Variants in OTOF observed in about 807,000 individuals in gnomAD.
The protein encoded by OTOF is fer-1-like family member 2.
In OTOF, 218 loss-of-function variants were observed where a neutral mutation model predicts 236.8. The ratio of observed to expected loss-of-function variants is 0.92; its 90% CI spans 0.82 to 1.03. The LOEUF (loss-of-function observed/expected upper bound fraction) is 1.03. Ranked by LOEUF, OTOF falls within the 50% of genes least tolerant of loss-of-function variation. The pLI, the probability that OTOF is intolerant of heterozygous loss-of-function variation, is 0.00. For missense variants in OTOF, 2,590 were observed against 2,694.4 expected, an observed-to-expected ratio of 0.96 and a Z score of 0.86; for synonymous variants, 1,041 against 1,072.5, an observed-to-expected ratio of 0.97 and a Z score of 0.57.
rs745558146 is a variant in OTOF, at chr2:26,558,512, G to T, written c.60C>A (p.Ile20=). The change falls in exon 1 of 47, where the codon ATC becomes ATA. Residue 20 remains isoleucine (I), a synonymous_variant. Transcript: ENST00000272371. The part of the protein sequence containing the change: ...VSELRGRGDR[I]AKVTFRGQSF... Reference sequence around the variant, plus strand: ...CCCTACCTCGGAAAGTCACTTTGGCGATCCGGTCGCCCCTGCCCCGCAGCT... The same window carrying T: ...CCCTACCTCGGAAAGTCACTTTGGCTATCCGGTCGCCCCTGCCCCGCAGCT... 2.5e-6 allele frequency: 4 copies of T among 1,613,798 alleles called. No homozygotes were observed. The highest frequency in any genetic ancestry group is 2.2e-5 in the East Asian group (1 of 44,860).
intron 32 of OTOF, among the ~76,000 whole-genome samples, 156 bp from the exon 33 acceptor site, chr2:26,468,630 T>TA (rs1177839495): frequency 6.6e-6 from 1 of 152,138 alleles, no homozygotes; most frequent in Non-Finnish European, 1.5e-5. Context: ...TTAAGTGGGT[T>TA]AAAAAAAGTT....
At position 26,460,026 on chromosome 2, in the gene OTOF, C is replaced by T. The variant is rs932952487; in HGVS notation, c.5993G>A (p.Ter1998=). 1 of 1,566,868 alleles carries T rather than the reference C, an allele frequency of 6.4e-7. No homozygotes were observed. Among genetic ancestry groups the T allele is most frequent in the South Asian group, 1.2e-5 (1 of 85,096 alleles). The change falls in exon 46 of 47, where the codon TGA becomes TAA. Residue 1998 remains the stop codon, a stop_retained_variant. Coordinates refer to ENST00000272371, the MANE Select transcript of OTOF (RefSeq NM_194248.3). The surrounding 1 kb of genome is among the most constrained non-coding windows in gnomAD (Gnocchi z 5.3). ...GYLVKKILGA[*] ...ATCAGACCCAGGAGGCCACTGGGCT[C>T]AGGCCCCGAGGATTTTCTTGACCAG...
chr2:26,556,548 G>A (rs1326836520), intron 1 of OTOF, among the ~76,000 whole-genome samples: 3 of 152,144 alleles, frequency 2.0e-5, no homozygotes, highest in Non-Finnish European at 2.9e-5. Context: ...AGAGAGCAAG[G>A]GTTGCAAATA....
chr2:26,505,359 T>G (rs1259022107), intron 5 of OTOF, among the ~76,000 whole-genome samples: 1 of 152,042 alleles, frequency 6.6e-6, no homozygotes, highest in Non-Finnish European at 1.5e-5. Context: ...TCAAAGCTGA[T>G]GCCTTTGGAA....
Position 26,516,540 on chromosome 2 carries a change from G to T in OTOF, c.387C>A (p.Asp129Glu). The change falls in exon 5 of 47, where the codon GAC (aspartate) becomes GAA (glutamate). Residue 129 changes from aspartate to glutamate, a missense_variant. Physicochemically the swap from Asp to Glu is conservative, Grantham distance 45. Coordinates refer to ENST00000272371, the MANE Select transcript of OTOF (RefSeq NM_194248.3). ...ACTCATCTCCCAGGAAGTCCCCATC[G>T]TCCCAGGAGCCCACTGTGCCGTCAG... ...QATDGTVGSW[D>E]DGDFLGDESL... 1 of 1,612,694 alleles carries T rather than the reference G, an allele frequency of 6.2e-7. No homozygotes were observed. The highest frequency in any genetic ancestry group is 2.2e-5 in the East Asian group (1 of 44,878).
At chr2:26,472,474 G>A in intron 30 of OTOF, 45 bp downstream of exon 30, 1 of 1,612,214 alleles carries the variant, frequency 6.2e-7, no homozygotes, top group African/African-American at 1.3e-5. Context: ...GTCACACGAA[G>A]TTGCATGTTC....
intron 11 of OTOF, among the ~76,000 whole-genome samples, chr2:26,485,288 A>T (rs760218296): frequency 5.3e-5 from 8 of 151,892 alleles, no homozygotes; most frequent in Non-Finnish European, 1.2e-4. Flanking sequence ...ACTTCTACTC[A>T]TTTTGCTCAA....
In OTOF at chr2:26,522,543, C is replaced by T. The variant is rs1572474785; in HGVS notation, c.228-3434G>A. On this transcript the variant is annotated intron_variant, in intron 3 of 46. Transcript: ENST00000272371. ...CTGGCCTTTGTGCATCCTGGCTGCA[C>T]ACATAGTAGGTTCTTACTCCTCTGC... Among the ~76,000 whole-genome samples the T allele has an allele frequency of 3.3e-5, 5 of 152,328 alleles. No individual in the cohort carries two copies. In the South Asian group the frequency reaches 1.0e-3, roughly 32 times the overall value.
At chr2:26,485,044 C>T (rs1665668529) in intron 11 of OTOF, among the ~76,000 whole-genome samples, 3 of 152,190 alleles carry the variant, frequency 2.0e-5, no homozygotes, top group Non-Finnish European at 4.4e-5. Flanking sequence ...CTGGGGCTTC[C>T]CAGTGCCTTG....
chr2:26,540,323 T>C (rs1243029971), intron 1 of OTOF, among the ~76,000 whole-genome samples: 2 of 152,160 alleles, frequency 1.3e-5, no homozygotes, highest in African/African-American at 4.8e-5. Flanking sequence ...GGGGGTGAGT[T>C]TGGGTTGTCA....
chr2:26,486,561 C>G (rs1465369641), intron 11 of OTOF, among the ~76,000 whole-genome samples: 1 of 152,144 alleles, frequency 6.6e-6, no homozygotes, highest in Non-Finnish European at 1.5e-5. Context: ...AATTTACCTT[C>G]AAATTTAAAG....
rs1293896414 is a variant in OTOF, at chr2:26,468,473, T to G, written c.4025A>C (p.Gln1342Pro). 1 of 1,613,774 alleles carries G rather than the reference T, an allele frequency of 6.2e-7. No homozygotes were observed. The highest frequency in any genetic ancestry group is 8.5e-7 in the Non-Finnish European group (1 of 1,179,830). Reference protein sequence around the residue: ...YFASIDTMKEQLRQQEPSGID... With the variant: ...YFASIDTMKEPLRQQEPSGID... ...TCCAGAGGGCTCTTGTTGTCGAAGT[T>G]GCTGCCAAAAGATGAGATGAAAAGG... Residue 1342 changes from glutamine to proline, a missense_variant and splice_region_variant, in exon 33 of 47, where the codon CAA becomes CCA. Coordinates refer to ENST00000272371, the MANE Select transcript of OTOF (RefSeq NM_194248.3).
rs1305231958 is a variant in OTOF at position 26,472,659 on chromosome 2, T to TGGATAGATGGACAGAC, written c.3734-26_3734-11dup. 1 of 1,612,352 alleles carries TGGATAGATGGACAGAC rather than the reference T, an allele frequency of 6.2e-7. No homozygotes were observed. The highest frequency in any genetic ancestry group is 8.5e-7 in the Non-Finnish European group (1 of 1,179,688). ...CGCCGGAGAAGCCTGACTGGACAGA[T>TGGATAGATGGACAGAC]GGATAGATGGACAGACAGGCAGAGG... On this transcript the variant is annotated splice_polypyrimidine_tract_variant and intron_variant, in intron 29 of 46. Coordinates refer to ENST00000272371, the MANE Select transcript of OTOF (RefSeq NM_194248.3).
At position 26,460,536 on chromosome 2, in the gene OTOF, G is replaced by A; in HGVS notation, c.5813+111C>T. On this transcript the variant is annotated intron_variant, in intron 45 of 46. Coordinates refer to ENST00000272371, the MANE Select transcript of OTOF (RefSeq NM_194248.3). The surrounding 1 kb of genome is among the most constrained non-coding windows in gnomAD (Gnocchi z 5.3). ...CAGAGGGCAGGGAGGAGGCTCCCCT[G>A]TAATGAGGCTGTGGCCCAGGAAGAG... The A allele has an allele frequency of 1.1e-6, 1 of 886,956 alleles. No individual in the cohort carries two copies. The highest frequency in any genetic ancestry group is 1.8e-6 in the Non-Finnish European group (1 of 542,744). The allele number at this position is 886,956 out of a possible 1,614,324, so 54.9% of individuals were successfully genotyped here.
At chr2:26,484,408 C>A in intron 12 of OTOF, 66 bp downstream of exon 12, 2 of 1,582,796 alleles carry the variant, frequency 1.3e-6, no homozygotes, top group African/African-American at 1.3e-5. Context: ...CAAACCCTCA[C>A]CGGGGGCTCC....
intron 5 of OTOF, among the ~76,000 whole-genome samples, chr2:26,512,537 G>A (rs924277774): frequency 6.6e-6 from 1 of 152,230 alleles, no homozygotes; most frequent in Non-Finnish European, 1.5e-5. Context: ...TGCTGAGAGT[G>A]GAGCGCCCAT....
intron 36 of OTOF, 75 bp downstream of exon 36, chr2:26,466,639 T>C: frequency 1.3e-6 from 2 of 1,557,890 alleles, no homozygotes; most frequent in South Asian, 1.1e-5. Context: ...ACCTGGCCAG[T>C]ATGCAGCTTC....
At chr2:26,541,752 T>C (rs1003592926) in intron 1 of OTOF, among the ~76,000 whole-genome samples, 1 of 152,214 alleles carries the variant, frequency 6.6e-6, no homozygotes, top group African/African-American at 2.4e-5. Flanking sequence ...GATAAAACCA[T>C]TACAAATCCC....
chr2:26,489,433 G>T, intron 10 of OTOF, 138 bp from the exon 11 acceptor site: 1 of 750,318 alleles, frequency 1.3e-6, no homozygotes, highest in Non-Finnish European at 2.3e-6. Context: ...CTCAGCATCA[G>T]CTCCTCCTGC....
Sources: allele counts gnomAD v4.1 joint callset (sites outside exome capture counted in the v4.1 genomes callset), GRCh38; gene constraint gnomAD v4.1.1; non-coding constraint Gnocchi (gnomAD v3.1); transcripts MANE v1.5; gene names NCBI Gene and HGNC (gene_info 2026-07-23, HGNC 2026-07-21).